Variants in CCT4 observed in about 807,000 individuals in gnomAD.
The protein encoded by CCT4 is chaperonin containing TCP1 subunit 4, also known as T-complex protein 1 subunit delta.
A neutral mutation model predicts 62.5 loss-of-function variants in CCT4; 17 were observed. The ratio of observed to expected loss-of-function variants is 0.27; its 90% CI spans 0.19 to 0.41. The LOEUF (loss-of-function observed/expected upper bound fraction) is 0.41, where lower values mean the gene tolerates loss of function less well. CCT4 is among the 10% of genes least tolerant of loss of function. The pLI is 1.00. For missense variants in CCT4, 592 were observed against 659.2 expected (o/e 0.90, Z 1.12); for synonymous variants, 250 against 229.9 (o/e 1.09, Z -0.79).
rs1668896671 is a variant in CCT4, at chr2:61,872,112, T to C, written c.1461A>G (p.Gly487=). 1.2e-6 allele frequency: 2 copies of C among 1,613,634 alleles called. No individual in the cohort carries two copies. Among genetic ancestry groups the C allele is most frequent in the African/African-American group, 2.7e-5 (2 of 75,052 alleles). ...VTELRNRHAQ[G]EKTAGINVRK... is the part of the protein sequence containing the mutation. The stretch of plus-strand genomic sequence containing the variant: ...GGACATTAATGCCTGCAGTTTTTTC[T>C]CCCTGGGCATGCCGGTTTCTTAGTT... Residue 487 remains glycine, a synonymous_variant, in exon 12 of 14, where the codon GGA becomes GGG. Coordinates refer to ENST00000394440, the MANE Select transcript of CCT4 (RefSeq NM_006430.4).
chr2:61,874,007 T>C (rs1668943657), intron 8 of CCT4, among the ~76,000 whole-genome samples: 1 of 152,180 alleles, frequency 6.6e-6, no homozygotes, highest in African/African-American at 2.4e-5. Context: ...ACCTCATTTT[T>C]CTTAACAAAT....
chr2:61,884,300 C>CT (rs527410370), intron 2 of CCT4, among the ~76,000 whole-genome samples: 47 of 152,226 alleles, frequency 3.1e-4, no homozygotes, highest in African/African-American at 1.1e-3. Flanking sequence ...GTACCCAACA[C>CT]TTTTTACTTT....
intron 11 of CCT4, 50 bp from the exon 12 acceptor site, chr2:61,872,366 T>C (rs1444640261): frequency 7.0e-7 from 1 of 1,434,736 alleles, no homozygotes; most frequent in Non-Finnish European, 9.4e-7. Context: ...AAGAAAATTA[T>C]TTTTAATAAT....
chr2:61,882,118 A>T (rs1669130767), intron 3 of CCT4, among the ~76,000 whole-genome samples: 1 of 152,006 alleles, frequency 6.6e-6, no homozygotes, highest in African/African-American at 2.4e-5. Flanking sequence ...TTTTTAGTAG[A>T]GATGGGGTTT....
rs78304679 is a variant in CCT4, at chr2:61,886,656, G to A, written c.128-1584C>T. On this transcript the variant is annotated intron_variant, in intron 1 of 13. Transcript: ENST00000394440. The stretch of plus-strand genomic sequence containing the variant: ...CCTTCCCACATGCACACCCTCCTCT[G>A]TTGTTTCAGTTCTTTGTCTGCTTTT... Among the ~76,000 whole-genome samples, 646 of 152,140 alleles carry A rather than the reference G, an allele frequency of 4.2e-3. 8 individuals carry two copies. Among genetic ancestry groups the A allele is most frequent in the African/African-American group, 0.015 (623 of 41,502 alleles).
At chr2:61,876,448 T>C (rs1669004004) in intron 7 of CCT4, among the ~76,000 whole-genome samples, 1 of 152,212 alleles carries the variant, frequency 6.6e-6, no homozygotes, top group Non-Finnish European at 1.5e-5. Context: ...ATCTTACATT[T>C]TGCAAGTAAA....
At chr2:61,884,373 G>A (rs951319427) in intron 2 of CCT4, among the ~76,000 whole-genome samples, 4 of 151,738 alleles carry the variant, frequency 2.6e-5, no homozygotes, top group Admixed American at 1.3e-4. Flanking sequence ...GCGCGATCTC[G>A]GCTCACTGCA....
At chr2:61,868,837 T>C in intron 13 of CCT4, 131 bp from the exon 14 acceptor site, 1 of 715,688 alleles carries the variant, frequency 1.4e-6, no homozygotes, top group Non-Finnish European at 2.5e-6. Context: ...AGCAAATATT[T>C]ATCAAAAGTA....
Position 61,876,200 on chromosome 2 carries a change from T to C in CCT4, c.812A>G (p.Gln271Arg), listed in dbSNP as rs150704657. The stretch of plus-strand genomic sequence containing the variant: ...CTCTTCTCGCAGCACTCGGTCCATC[T>C]GGGCATAGTCAGAAACCACTATTTG... Reference protein sequence around the residue: ...DNQIVVSDYAQMDRVLREERA... With the variant: ...DNQIVVSDYARMDRVLREERA... The change falls in exon 8 of 14, where the codon CAG (glutamine) becomes CGG (arginine). Residue 271 changes from glutamine (Q) to arginine (R), a missense_variant. Physicochemically the swap from Gln to Arg is conservative, Grantham distance 43. Transcript: ENST00000394440. 4.3e-6 allele frequency: 7 copies of C among 1,610,632 alleles called. No individual in the cohort carries two copies. The African/African-American group carries it at 8.0e-5, about 18-fold the overall frequency.
At chr2:61,875,593 A>T (rs1457664480) in intron 8 of CCT4, among the ~76,000 whole-genome samples, 1 of 151,854 alleles carries the variant, frequency 6.6e-6, no homozygotes, top group African/African-American at 2.4e-5. Context: ...AAAAAAAAAA[A>T]AAAAAAAATT....
intron 12 of CCT4, 143 bp from the exon 13 acceptor site, chr2:61,869,696 T>C (rs1402985632): frequency 1.7e-6 from 1 of 591,504 alleles, no homozygotes; most frequent in Non-Finnish European, 3.1e-6. Flanking sequence ...TACTAAGCTT[T>C]TCTCTACACT....
At position 61,880,404 on chromosome 2, in the gene CCT4, C is replaced by T; in HGVS notation, c.271-10G>A. 2.7e-6 allele frequency: 4 copies of T among 1,491,094 alleles called. No individual in the cohort carries two copies. Among genetic ancestry groups the T allele is most frequent in the Admixed American group, 1.8e-5 (1 of 54,070 alleles). 92.4% of individuals were successfully genotyped at this position (1,491,094 alleles called of 1,614,324 possible). On this transcript the variant is annotated splice_polypyrimidine_tract_variant and intron_variant, in intron 3 of 13. Coordinates refer to ENST00000394440, the MANE Select transcript of CCT4 (RefSeq NM_006430.4). ...TAGACAGCTCCACCAGCTAAGTGAA[C>T]AGAAAATGCCAAGTTGCTCAATGAG...
chr2:61,875,571 A>G (rs1263297057), intron 8 of CCT4, among the ~76,000 whole-genome samples: 10 of 133,722 alleles, frequency 7.5e-5, no homozygotes, highest in Non-Finnish European at 1.4e-4. Context: ...TGACAGAGTG[A>G]GACTCTGTCT....
At position 61,876,234 on chromosome 2, in the gene CCT4, T is replaced by A; in HGVS notation, c.778A>T (p.Met260Leu). The A allele has an allele frequency of 6.3e-7, 1 of 1,591,494 alleles. No homozygotes were observed. Among genetic ancestry groups the A allele is most frequent in the Non-Finnish European group, 8.5e-7 (1 of 1,170,530 alleles). ...TCAGAAACCACTATTTGATTATCCA[T>A]CTGTTCAGAAAAAGAACATCATAAT... ...QFCLSAPKTD[M>L]DNQIVVSDYA... is the part of the protein sequence containing the mutation. The change falls in exon 8 of 14, where the codon ATG (methionine) becomes TTG (leucine). Residue 260 changes from methionine to leucine, a missense_variant and splice_region_variant. By Grantham distance (15) the Met-to-Leu change is conservative. Around this residue, in one of 3 missense-constraint regions of CCT4, gnomAD observed 522 missense variants for 571.2 expected, o/e 0.91. Coordinates refer to ENST00000394440, the MANE Select transcript of CCT4 (RefSeq NM_006430.4).
intron 8 of CCT4, among the ~76,000 whole-genome samples, chr2:61,874,617 A>C (rs1043252825): frequency 6.6e-6 from 1 of 152,150 alleles, no homozygotes; most frequent in Non-Finnish European, 1.5e-5. Context: ...TCTCCAAAAA[A>C]AAAAAAAGAA....
At chr2:61,869,989 A>G (rs950795697) in intron 12 of CCT4, among the ~76,000 whole-genome samples, 6 of 150,096 alleles carry the variant, frequency 4.0e-5, no homozygotes, top group East Asian at 4.1e-4. Context: ...AAAAATTATG[A>G]TATCTTGGCT....
chr2:61,882,499 A>G (rs1054039036), intron 3 of CCT4, among the ~76,000 whole-genome samples: 2 of 152,062 alleles, frequency 1.3e-5, no homozygotes, highest in Admixed American at 6.6e-5. Flanking sequence ...GTGGACAAGT[A>G]TAAGGTGACT....
Position 61,876,130 on chromosome 2 carries a change from T to C in CCT4, c.882A>G (p.Gly294=). The C allele has an allele frequency of 6.2e-7, 1 of 1,604,752 alleles. No homozygotes were observed. Among genetic ancestry groups the C allele is most frequent in the Non-Finnish European group, 8.5e-7 (1 of 1,171,808 alleles). Residue 294 remains glycine (G), a synonymous_variant, in exon 8 of 14, where the codon GGA becomes GGG. Coordinates refer to ENST00000394440, the MANE Select transcript of CCT4 (RefSeq NM_006430.4). ...LNLVKQIKKT[G]CNVLLIQKSI... The stretch of plus-strand genomic sequence containing the variant: ...ATTTCTGTATGAGAAGGACATTACA[T>C]CCTGTTTTTTTAATTTGCTTCACTA...
rs1558508854 is a variant in CCT4 at position 61,885,088 on chromosome 2, A to AG, written c.128-17_128-16insC. ...TCAGCAACCGCTGCAGATGGGGGGG[A>AG]AAAAAAAGAAAACAAATTAGAACTT... On this transcript the variant is annotated splice_polypyrimidine_tract_variant and intron_variant, in intron 1 of 13. Coordinates refer to ENST00000394440, the MANE Select transcript of CCT4 (RefSeq NM_006430.4). 4.0e-6 allele frequency: 6 copies of AG among 1,511,512 alleles called. No individual in the cohort carries two copies. In the African/African-American group the frequency reaches 4.6e-5, roughly 12 times the overall value. The allele number at this position is 1,511,512 out of a possible 1,614,324, so 93.6% of individuals were successfully genotyped here.
Sources: allele counts gnomAD v4.1 joint callset (sites outside exome capture counted in the v4.1 genomes callset), GRCh38; gene constraint gnomAD v4.1.1; regional missense constraint gnomAD v4.1.1; transcripts MANE v1.5; gene names NCBI Gene and HGNC (gene_info 2026-07-23, HGNC 2026-07-21).